GAS2: variants seen among roughly 807,000 people sequenced by gnomAD.
The protein encoded by GAS2 is growth arrest-specific protein 2.
In GAS2, 20 loss-of-function variants were observed where a neutral mutation model predicts 37.5. The observed-to-expected ratio is 0.53, with a 90% confidence interval of 0.37 to 0.77. GAS2 has a LOEUF of 0.77. Ranked by LOEUF, GAS2 falls within the 30% of genes least tolerant of loss-of-function variation. The pLI is 0.00. For missense variants in GAS2, 336 were observed against 373.4 expected (o/e 0.90, Z 0.82); for synonymous variants, 144 against 132.2 (o/e 1.09, Z -0.61).
chr11:22,634,854 A>G (rs1858800526), intron 1 of GAS2, among the ~76,000 whole-genome samples: 1 of 152,118 alleles, frequency 6.6e-6, no homozygotes, highest in Non-Finnish European at 1.5e-5. Context: ...AAATGGCCTT[A>G]ATGTGTTGCT....
At chr11:22,744,234 G>T (rs935970710) in intron 5 of GAS2, among the ~76,000 whole-genome samples, 4 of 152,006 alleles carry the variant, frequency 2.6e-5, no homozygotes, top group African/African-American at 9.7e-5. Flanking sequence ...AGAAGAGCTG[G>T]TACCTATTCT....
chr11:22,702,531 A>G (rs1198479439), intron 3 of GAS2: 1 of 152,242 alleles, frequency 6.6e-6, no homozygotes, highest in African/African-American at 2.4e-5. Flanking sequence ...TGTTTGAGAT[A>G]GCTTACTTTT....
chr11:22,785,348 G>A (rs948735502), intron 7 of GAS2, among the ~76,000 whole-genome samples: 2 of 152,014 alleles, frequency 1.3e-5, no homozygotes, highest in Non-Finnish European at 2.9e-5. Context: ...CTCCTACCTA[G>A]CCTGTCTGAT....
Position 22,692,901 on chromosome 11 carries a change from G to A in GAS2, c.267+7112G>A, listed in dbSNP as rs115583639. Among the ~76,000 whole-genome samples the A allele has an allele frequency of 7.2e-3, 1,095 of 152,160 alleles. 20 individuals carry two copies. The highest frequency in any genetic ancestry group is 0.025 in the African/African-American group (1,037 of 41,504). ...TCTCCATCAGACAACAAGAACAAGC[G>A]AGGAACATTTGTGTCGTGTCCTTTC... is the stretch of plus-strand genomic sequence containing the variant. On this transcript the variant is annotated intron_variant, in intron 3 of 7. Transcript: ENST00000454584.
intron 7 of GAS2, among the ~76,000 whole-genome samples, chr11:22,810,788 C>T (rs1857121581): frequency 8.8e-6 from 1 of 113,328 alleles, no homozygotes; most frequent in South Asian, 4.0e-4. Flanking sequence ...GAATACAAGT[C>T]ATCTCCCACT....
At chr11:22,640,341 A>G (rs1247470579) in intron 1 of GAS2, among the ~76,000 whole-genome samples, 1 of 152,236 alleles carries the variant, frequency 6.6e-6, no homozygotes, top group African/African-American at 2.4e-5. Flanking sequence ...AATTTGTGAT[A>G]TGGAAAATGT....
Position 22,807,385 on chromosome 11 carries a change from G to A in GAS2, c.724-4413G>A, listed in dbSNP as rs12274003. ...GTGTCCGTATAAGGCAGTGTCTCAC[G>A]TAAGATGTTTTAAAGGAAGTTGCAT... On this transcript the variant is annotated intron_variant, in intron 7 of 7. Coordinates refer to ENST00000454584, the MANE Select transcript of GAS2 (RefSeq NM_001143830.3). Among the ~76,000 whole-genome samples, 567 of 152,280 alleles carry A rather than the reference G, an allele frequency of 3.7e-3. 4 individuals carry two copies. The highest frequency in any genetic ancestry group is 0.013 in the African/African-American group (539 of 41,548).
At chr11:22,805,780 G>T (rs1002064175) in intron 7 of GAS2, among the ~76,000 whole-genome samples, 1 of 152,162 alleles carries the variant, frequency 6.6e-6, no homozygotes, top group Non-Finnish European at 1.5e-5. Context: ...CCCATATTCT[G>T]ATTATTTCTT....
intron 7 of GAS2, among the ~76,000 whole-genome samples, chr11:22,807,424 G>A (rs569107339): frequency 1.5e-4 from 23 of 152,280 alleles, no homozygotes; most frequent in African/African-American, 5.1e-4. Flanking sequence ...TTTCTAAAAG[G>A]AAAACAATTC....
At chr11:22,807,464 G>T (rs1002127580) in intron 7 of GAS2, among the ~76,000 whole-genome samples, 6 of 152,214 alleles carry the variant, frequency 3.9e-5, no homozygotes, top group African/African-American at 1.4e-4. Flanking sequence ...TTTTTAAAAT[G>T]TAGCTATAAA....
At chr11:22,802,042 A>G (rs570777375) in intron 7 of GAS2, among the ~76,000 whole-genome samples, 1 of 152,256 alleles carries the variant, frequency 6.6e-6, no homozygotes, top group East Asian at 1.9e-4. Context: ...ACTTTGAGAC[A>G]TATTGATTCT....
chr11:22,807,558 CT>C (rs1348499679), intron 7 of GAS2, among the ~76,000 whole-genome samples: 1 of 152,184 alleles, frequency 6.6e-6, no homozygotes, highest in African/African-American at 2.4e-5. Context: ...TCTCCAGTTA[CT>C]GCCTACAGAA....
At chr11:22,811,111 C>T (rs976496811) in intron 7 of GAS2, among the ~76,000 whole-genome samples, 10 of 152,110 alleles carry the variant, frequency 6.6e-5, no homozygotes, top group African/African-American at 2.4e-4. Flanking sequence ...AAGAATCATG[C>T]ATTCTTCACA....
intron 4 of GAS2, among the ~76,000 whole-genome samples, chr11:22,734,153 A>G (rs540255935): frequency 2.0e-5 from 3 of 151,902 alleles, no homozygotes; most frequent in Non-Finnish European, 3.0e-5. Context: ...AAAATAGACA[A>G]TACATGATTA....
At chr11:22,636,875 G>GAA (rs900058496) in intron 1 of GAS2, among the ~76,000 whole-genome samples, 3 of 143,266 alleles carry the variant, frequency 2.1e-5, no homozygotes, top group Non-Finnish European at 4.5e-5. Flanking sequence ...TATTTTAAAT[G>GAA]AAAATTTATA....
At chr11:22,748,868 G>A (rs1292120706) in intron 5 of GAS2, among the ~76,000 whole-genome samples, 1 of 151,920 alleles carries the variant, frequency 6.6e-6, no homozygotes, top group African/African-American at 2.4e-5. Flanking sequence ...TGCATTGAGT[G>A]TTTTTATTTA....
intron 1 of GAS2, among the ~76,000 whole-genome samples, chr11:22,659,854 A>G (rs560939416): frequency 9.0e-5 from 13 of 144,168 alleles, no homozygotes; most frequent in African/African-American, 3.0e-4. Context: ...GAAAAGAGAG[A>G]AGAGAGAAAG....
chr11:22,716,836 C>A (rs551021586), intron 3 of GAS2, among the ~76,000 whole-genome samples: 37 of 152,170 alleles, frequency 2.4e-4, no homozygotes, highest in Admixed American at 7.2e-4. Flanking sequence ...ATCAGTAGCA[C>A]TGCCATATAC....
rs192316677 is a variant in GAS2 at position 22,765,978 on chromosome 11, G to A, written c.723+10025G>A. ...AGGAACAAGAGAGAGTGGGAGGGGA[G>A]GTGCCACACACTTTAAAATGACCAA... On this transcript the variant is annotated intron_variant, in intron 7 of 7. Transcript: ENST00000454584. Among the ~76,000 whole-genome samples, 39 of 152,220 alleles carry A rather than the reference G, an allele frequency of 2.6e-4. No individual in the cohort carries two copies. In the East Asian group the frequency reaches 6.6e-3, roughly 26 times the overall value.
Sources: gnomAD v4.1 joint callset for allele counts (sites outside exome capture counted in the v4.1 genomes callset) on GRCh38, gnomAD v4.1.1 for gene constraint, MANE v1.5 for transcripts, NCBI Gene and HGNC (gene_info 2026-07-23, HGNC 2026-07-21) for gene names.